Variants in IKBKB-DT observed in about 807,000 individuals in gnomAD.
IKBKB-DT encodes the protein IKBKB divergent transcript.
At chr8:42,248,881 A>AC (rs1563276040) in intron 3 of IKBKB-DT, among the ~76,000 whole-genome samples, 3 of 152,162 alleles carry the variant, frequency 2.0e-5, no homozygotes, top group African/African-American at 7.2e-5. Context: ...AAAAAAAAAA[A>AC]AAAAACAAAT....
intron 3 of IKBKB-DT, among the ~76,000 whole-genome samples, chr8:42,252,188 G>A (rs939186374): frequency 6.6e-6 from 1 of 152,180 alleles, no homozygotes; most frequent in Admixed American, 6.5e-5. Context: ...AAAAGATTAG[G>A]GTGGGATGGC....
intron 3 of IKBKB-DT, among the ~76,000 whole-genome samples, chr8:42,242,665 A>T (rs1009878695): frequency 5.3e-5 from 8 of 152,290 alleles, no homozygotes; most frequent in Admixed American, 2.0e-4. Flanking sequence ...TCTGCGGCTG[A>T]TGCCTACAGT....
At chr8:42,246,067 T>C (rs1315937770) in intron 3 of IKBKB-DT, among the ~76,000 whole-genome samples, 1 of 152,242 alleles carries the variant, frequency 6.6e-6, no homozygotes, top group Non-Finnish European at 1.5e-5. Context: ...GACAGGATCT[T>C]GCTCTGTCAC....
chr8:42,240,624 CAAAAAA>C lies in IKBKB-DT; in HGVS notation n.1530-6771_1530-6766del, dbSNP rs1208809199. On this transcript the variant is annotated intron_variant and non_coding_transcript_variant, in intron 3 of 3. Coordinates refer to ENST00000518213, the Ensembl canonical transcript of IKBKB-DT. ...TGAGCGACAGAGCAAGACTCAGTCTCAAAAAAAAAAAAAAAAAAAAAAAAAAGAGCA... is the reference window on the plus strand; with the variant it reads ...TGAGCGACAGAGCAAGACTCAGTCTCAAAAAAAAAAAAAAAAAAAAGAGCA... Among the ~76,000 whole-genome samples, 4 of 26,406 alleles carry C rather than the reference CAAAAAA, an allele frequency of 1.5e-4. No homozygotes were observed. The South Asian group carries it at 2.6e-3, about 17-fold the overall frequency. The allele number at this position is 26,406 out of a possible 152,430, so 17.3% of individuals were successfully genotyped here. A position where few individuals can be genotyped will look rare whatever the true frequency, so the allele number is the denominator to read the frequency against.
At chr8:42,255,909 C>T (rs1288975639) in intron 3 of IKBKB-DT, among the ~76,000 whole-genome samples, 1 of 151,578 alleles carries the variant, frequency 6.6e-6, no homozygotes, top group Non-Finnish European at 1.5e-5. Flanking sequence ...ACCTGTAATC[C>T]CAGGTATTTG....
intron 3 of IKBKB-DT, among the ~76,000 whole-genome samples, chr8:42,259,171 A>C (rs959123046): frequency 1.3e-5 from 2 of 152,084 alleles, no homozygotes; most frequent in Non-Finnish European, 2.9e-5. Flanking sequence ...GATTAAAGGC[A>C]TGCACCACCA....
chr8:42,250,951 G>A (rs186013903), intron 3 of IKBKB-DT, among the ~76,000 whole-genome samples: 13 of 152,242 alleles, frequency 8.5e-5, no homozygotes, highest in African/African-American at 3.1e-4. Context: ...ACAAATGGAG[G>A]GCTGCACGCA....
At chr8:42,241,866 C>T (rs186359539) in intron 3 of IKBKB-DT, among the ~76,000 whole-genome samples, 4 of 152,118 alleles carry the variant, frequency 2.6e-5, no homozygotes, top group South Asian at 2.1e-4. Flanking sequence ...GTTAGATGGT[C>T]GAACTAATAT....
chr8:42,250,305 G>T (rs528639442), intron 3 of IKBKB-DT, among the ~76,000 whole-genome samples: 1 of 152,062 alleles, frequency 6.6e-6, no homozygotes. Context: ...TGGAGCCATC[G>T]GTATCAGACA....
At chr8:42,238,400 A>T (rs917651620) in intron 3 of IKBKB-DT, among the ~76,000 whole-genome samples, 1 of 152,200 alleles carries the variant, frequency 6.6e-6, no homozygotes, top group Admixed American at 6.5e-5. Context: ...ACTTTGAAGC[A>T]AGGATGATAA....
At chr8:42,255,928 AG>A (rs948443645) in intron 3 of IKBKB-DT, among the ~76,000 whole-genome samples, 12 of 151,910 alleles carry the variant, frequency 7.9e-5, no homozygotes, top group African/African-American at 2.7e-4. Flanking sequence ...TGGGAGGCTG[AG>A]GCAGGAGAAT....
chr8:42,241,707 C>T (rs1333326270), intron 3 of IKBKB-DT, among the ~76,000 whole-genome samples: 3 of 152,142 alleles, frequency 2.0e-5, no homozygotes, highest in Non-Finnish European at 4.4e-5. Context: ...AAATAGAAAG[C>T]TTCAACCCTT....
intron 1 of IKBKB-DT, among the ~76,000 whole-genome samples, chr8:42,269,560 CGGGAA>C (rs1018541867): frequency 4.3e-5 from 4 of 92,608 alleles, no homozygotes; most frequent in South Asian, 4.4e-4. Flanking sequence ...ACCAAGTAGC[CGGGAA>C]GGGAAGGGAA....
chr8:42,264,069 C>T (rs1298926603), intron 2 of IKBKB-DT, among the ~76,000 whole-genome samples: 1 of 151,690 alleles, frequency 6.6e-6, no homozygotes, highest in Non-Finnish European at 1.5e-5. Flanking sequence ...GCCTTGGTCT[C>T]CCAAAGCGCT....
intron 3 of IKBKB-DT, among the ~76,000 whole-genome samples, chr8:42,239,632 A>ATATATATATATATTTATT (rs1287944961): frequency 1.1e-4 from 10 of 86,968 alleles, no homozygotes; most frequent in African/African-American, 4.3e-4. Flanking sequence ...ATATATATAT[A>ATATATATATATATTTATT]TATTTATTTA....
intron 3 of IKBKB-DT, among the ~76,000 whole-genome samples, chr8:42,234,508 G>A (rs185850023): frequency 6.6e-6 from 1 of 152,314 alleles, no homozygotes; most frequent in Non-Finnish European, 1.5e-5. Context: ...AATTAAGACA[G>A]GAAGATAAAT....
At chr8:42,269,042 C>A (rs527965393) in intron 1 of IKBKB-DT, among the ~76,000 whole-genome samples, 1 of 151,524 alleles carries the variant, frequency 6.6e-6, no homozygotes, top group Non-Finnish European at 1.5e-5. Context: ...AGGCCAGAAG[C>A]GGTGGCTCAC....
chr8:42,246,027 C>T (rs916674853), intron 3 of IKBKB-DT, among the ~76,000 whole-genome samples: 14 of 152,100 alleles, frequency 9.2e-5, no homozygotes, highest in Admixed American at 4.6e-4. Flanking sequence ...GAGATATTTT[C>T]TTTTATGCTT....
At chr8:42,257,063 C>T (rs1807212185) in intron 3 of IKBKB-DT, among the ~76,000 whole-genome samples, 1 of 152,168 alleles carries the variant, frequency 6.6e-6, no homozygotes, top group Admixed American at 6.5e-5. Context: ...AGAATTATAA[C>T]TGACAACATT....
Sources: allele counts gnomAD v4.1 joint callset (sites outside exome capture counted in the v4.1 genomes callset), GRCh38; gene constraint gnomAD v4.1.1; transcripts MANE v1.5; gene names NCBI Gene and HGNC (gene_info 2026-07-23, HGNC 2026-07-21).